The following SUMF2 variants were observed in gnomAD, a reference collection of about 807,000 sequenced individuals.
The protein encoded by SUMF2 is sulfatase modifying factor 2.
Under a neutral mutation model 44.8 loss-of-function variants are expected in SUMF2, and 45 were observed. The observed-to-expected ratio is 1.00, with a 90% CI of 0.79 to 1.29. The LOEUF (loss-of-function observed/expected upper bound fraction) is 1.29, where lower values mean the gene tolerates loss of function less well. Among genes scored for constraint, SUMF2 ranks in the 50% most tolerant of loss-of-function variants. SUMF2 has a pLI of 0.00. For synonymous variants in SUMF2, 148 were observed against 150.4 expected, an observed-to-expected ratio of 0.98 and a Z score of 0.12; for missense variants, 418 against 389.9, an observed-to-expected ratio of 1.07 and a Z score of -0.61.
At chr7:56,087,063 G>T in the SUMF2 span, 1 of 1,576,128 alleles carries the variant, frequency 6.3e-7, no homozygotes, top group Non-Finnish European at 8.7e-7. Flanking sequence ...AGTAGCAGGG[G>T]AGCCCAGGCA....
chr7:56,073,681 A>G (rs1317529134), intron 3 of SUMF2: 1 of 175,742 alleles, frequency 5.7e-6, no homozygotes, highest in African/African-American at 2.4e-5. Context: ...TTGGCAAGCC[A>G]ACCTCTAATA....
rs962566735 is a variant in SUMF2, at chr7:56,073,921, G to A, written c.340-253G>A. 6 of 554,674 alleles carry A rather than the reference G, an allele frequency of 1.1e-5. No individual in the cohort carries two copies. The African/African-American group carries it at 1.1e-4, about 11-fold the overall frequency. The allele number at this position is 554,674 out of a possible 1,614,324, so 34.4% of individuals were successfully genotyped here. A position where few individuals can be genotyped will look rare whatever the true frequency, so the allele number is the denominator to read the frequency against. On this transcript the variant is annotated intron_variant, in intron 3 of 8. Coordinates refer to ENST00000434526, the MANE Select transcript of SUMF2 (RefSeq NM_015411.4). The stretch of plus-strand genomic sequence containing the variant: ...TCCCAGCTACTCAGGAGGTTGAGGT[G>A]GGAGGATTACCTGAGTCCAGGAGGT...
intron 1 of SUMF2, among the ~76,000 whole-genome samples, chr7:56,065,495 C>T (rs538592807): frequency 6.6e-6 from 1 of 152,208 alleles, no homozygotes; most frequent in Non-Finnish European, 1.5e-5. Flanking sequence ...TTAACGTTTG[C>T]TGGCTGAATT....
intron 4 of SUMF2, 88 bp from the exon 5 acceptor site, chr7:56,074,498 T>C: frequency 6.5e-7 from 1 of 1,534,860 alleles, no homozygotes; most frequent in South Asian, 1.2e-5. Flanking sequence ...CATCTAGTGG[T>C]AAAAGCTGAA....
At chr7:56,074,040 AAAAATC>A in intron 3 of SUMF2, 128 bp from the exon 4 acceptor site, 1 of 655,032 alleles carries the variant, frequency 1.5e-6, no homozygotes, top group African/African-American at 1.9e-5. Context: ...AAAAAAAAAA[AAAAATC>A]AGCCACAACC....
chr7:56,068,514 C>T lies in SUMF2; in HGVS notation c.100C>T (p.Gln34Ter), dbSNP rs1172890057. The change falls in exon 2 of 9, where the codon CAG becomes TAG. Residue 34 changes from glutamine (Q) to a stop codon, truncating the protein, a stop_gained. Coordinates refer to ENST00000434526, the MANE Select transcript of SUMF2 (RefSeq NM_015411.4). LOFTEE classifies it high-confidence loss of function. Reference sequence around the variant, plus strand: ...ACAGGCTACTAGCATGGTCCAACTGCAGGGTGGGAGATTCCTGATGGGAAC... The same window carrying T: ...ACAGGCTACTAGCATGGTCCAACTGTAGGGTGGGAGATTCCTGATGGGAAC... Reference protein sequence around the residue: ...NGQATSMVQLQGGRFLMGTNS... With the variant: ...NGQATSMVQL 4 of 1,613,482 alleles carry T rather than the reference C, an allele frequency of 2.5e-6. No individual in the cohort carries two copies. Among genetic ancestry groups the T allele is most frequent in the Non-Finnish European group, 3.4e-6 (4 of 1,179,882 alleles).
At chr7:56,064,702 C>T (rs912364818) in intron 1 of SUMF2, among the ~76,000 whole-genome samples, 1 of 148,662 alleles carries the variant, frequency 6.7e-6, no homozygotes, top group Admixed American at 6.8e-5. Context: ...GAAACCCTGT[C>T]TCTACAAAAA....
intron 5 of SUMF2, 129 bp from the exon 6 acceptor site, chr7:56,076,705 C>T (rs576848250): frequency 3.7e-4 from 296 of 802,156 alleles, no homozygotes; most frequent in Middle Eastern, 1.9e-3. Context: ...CAAATAAAAG[C>T]AGGTCATTCA....
At chr7:56,070,678 G>A (rs1171510580) in intron 2 of SUMF2, among the ~76,000 whole-genome samples, 2 of 151,612 alleles carry the variant, frequency 1.3e-5, no homozygotes, top group Non-Finnish European at 2.9e-5. Context: ...TCAGAAAAGA[G>A]ACACATTCCC....
Position 56,078,379 on chromosome 7 carries a change from T to G in SUMF2, c.692T>G (p.Leu231Arg). Residue 231 changes from leucine to arginine, a missense_variant, in exon 8 of 9, where the codon CTG becomes CGG. Physicochemically the swap from Leu to Arg is moderately radical, Grantham distance 102. Transcript: ENST00000434526. ...GGGGCTGCAGGGCTCTATGACCTCCTGGGGAACGTGTGGGAGTGGACAGCA... is the reference window on the plus strand; with the variant it reads ...GGGGCTGCAGGGCTCTATGACCTCCGGGGGAACGTGTGGGAGTGGACAGCA... ...AQNNYGLYDL[L>R]GNVWEWTASP... 6.2e-7 allele frequency: 1 copy of G among 1,608,622 alleles called. No homozygotes were observed. Among genetic ancestry groups the G allele is most frequent in the Non-Finnish European group, 8.5e-7 (1 of 1,176,826 alleles).
At chr7:56,081,731 G>T (rs1796004368), downstream of SUMF2, 3 of 1,613,824 alleles carry the variant, frequency 1.9e-6, no homozygotes, top group East Asian at 6.7e-5. The surrounding 1 kb of genome is among the most constrained non-coding windows in gnomAD (Gnocchi z 4.6). Context: ...CGGTTCTGGG[G>T]TTGCACCACC....
intron 3 of SUMF2, 57 bp downstream of exon 3, chr7:56,073,168 C>A: frequency 7.2e-7 from 1 of 1,381,960 alleles, no homozygotes; most frequent in Non-Finnish European, 1.0e-6. Flanking sequence ...GACAGGGAAT[C>A]CTGTGGGACA....
chr7:56,068,740 C>A, intron 2 of SUMF2, 102 bp downstream of exon 2: 1 of 1,378,008 alleles, frequency 7.3e-7, no homozygotes, highest in Non-Finnish European at 9.7e-7. Context: ...CTCCCTCTGT[C>A]ACCCAGGTGC....
At chr7:56,080,843 C>A (rs1795936776), downstream of SUMF2, 2 of 611,462 alleles carry the variant, frequency 3.3e-6, no homozygotes, top group Non-Finnish European at 5.7e-6. Context: ...CCAGGGCCTG[C>A]CCCAGCCTGC....
chr7:56,064,947 C>T (rs1314556417), intron 1 of SUMF2, among the ~76,000 whole-genome samples: 2 of 141,442 alleles, frequency 1.4e-5, no homozygotes, highest in African/African-American at 5.3e-5. Context: ...AATCCCAGCA[C>T]TTTGGGAGGC....
At chr7:56,079,361 C>T in intron 8 of SUMF2, 167 bp from the exon 9 acceptor site, 1 of 686,108 alleles carries the variant, frequency 1.5e-6, no homozygotes, top group South Asian at 1.9e-5. Context: ...AGGACTGGCA[C>T]AGGCTCAGGA....
downstream of SUMF2, chr7:56,083,340 ATGT>A: frequency 1.2e-6 from 2 of 1,614,136 alleles, no homozygotes; most frequent in Non-Finnish European, 1.7e-6. Flanking sequence ...CTTGATGTTC[ATGT>A]TGTCATCCAA....
At chr7:56,076,943 T>C (rs1430286390) in intron 6 of SUMF2, 54 bp downstream of exon 6, 3 of 1,551,354 alleles carry the variant, frequency 1.9e-6, no homozygotes, top group Non-Finnish European at 2.6e-6. Flanking sequence ...TGCTGGAGGC[T>C]GGGCACTGTG....
chr7:56,082,647 C>T (rs923377709), downstream of SUMF2, among the ~76,000 whole-genome samples: 8 of 151,958 alleles, frequency 5.3e-5, no homozygotes, highest in African/African-American at 1.2e-4. Context: ...ACAGAAATGG[C>T]GCTCGGGCTG....
Sources: gnomAD v4.1 joint callset for allele counts (sites outside exome capture counted in the v4.1 genomes callset) on GRCh38, gnomAD v4.1.1 for gene constraint, Gnocchi (gnomAD v3.1) non-coding constraint, MANE v1.5 for transcripts, NCBI Gene and HGNC (gene_info 2026-07-23, HGNC 2026-07-21) for gene names.